The following USP6 variants were observed in gnomAD, a reference collection of about 807,000 sequenced individuals.
The protein encoded by USP6 is ubiquitin specific peptidase 6.
USP6 carries 128 observed loss-of-function variants against 175.7 expected under a neutral mutation model. The ratio of observed to expected loss-of-function variants is 0.73; its 90% CI spans 0.63 to 0.84. USP6 has a LOEUF of 0.84. Ranked by LOEUF, USP6 falls within the 40% of genes least tolerant of loss-of-function variation. USP6 has a pLI of 0.00. For synonymous variants in USP6, 562 were observed against 630.6 expected (o/e 0.89, Z 1.63); for missense variants, 1,498 against 1,760.3 (o/e 0.85, Z 2.67).
intron 31 of USP6, among the ~76,000 whole-genome samples, chr17:5,158,715 TAAGTG>T (rs1296534459): frequency 1.4e-5 from 2 of 138,768 alleles, no homozygotes; most frequent in African/African-American, 5.5e-5. Flanking sequence ...AACCAGGAGT[TAAGTG>T]AAGGAAGTAC....
At chr17:5,149,878 A>G (rs900108931) in intron 30 of USP6, among the ~76,000 whole-genome samples, 1 of 152,184 alleles carries the variant, frequency 6.6e-6, no homozygotes, top group African/African-American at 2.4e-5. Flanking sequence ...CTTCGGGTAT[A>G]GTGGCAACTT....
Position 5,142,404 on chromosome 17 carries a change from C to A in USP6, c.1720C>A (p.Pro574Thr), listed in dbSNP as rs773348436. Residue 574 changes from proline to threonine, a missense_variant, in exon 25 of 38, where the codon CCC becomes ACC. This residue lies in a region of USP6 where 1,217 missense variants were observed against 1,500.8 expected (regional missense o/e 0.81). Transcript: ENST00000574788. ...RHLYELNRTNPIGMKGHMAKC... is the reference protein window; with the variant it reads ...RHLYELNRTNTIGMKGHMAKC... ...TTCCTCTCAAACTTCTAGGACAAATCCCATTGGTATGAAGGGGCATATGGC... is the reference window on the plus strand; with the variant it reads ...TTCCTCTCAAACTTCTAGGACAAATACCATTGGTATGAAGGGGCATATGGC... The A allele has an allele frequency of 1.9e-6, 3 of 1,612,566 alleles. No homozygotes were observed.
Position 5,133,944 on chromosome 17 carries a change from G to C in USP6, c.442G>C (p.Val148Leu), listed in dbSNP as rs753708743. 4 of 1,614,136 alleles carry C rather than the reference G, an allele frequency of 2.5e-6. No individual in the cohort carries two copies. The highest frequency in any genetic ancestry group is 3.4e-6 in the Non-Finnish European group (4 of 1,180,010). The change falls in exon 15 of 38, where the codon GTG becomes CTG. Residue 148 changes from valine (V) to leucine (L), a missense_variant. This residue lies in a region of USP6 where 281 missense variants were observed against 259.6 expected (regional missense o/e 1.08). Coordinates refer to ENST00000574788, the MANE Select transcript of USP6 (RefSeq NM_001304284.2). Reference sequence around the variant, plus strand: ...ACACATCCACCACATCGACCTGGACGTGAGGACGACTCTCCGGAACCATGT... The same window carrying C: ...ACACATCCACCACATCGACCTGGACCTGAGGACGACTCTCCGGAACCATGT... Reference protein sequence around the residue: ...SEHIHHIDLDVRTTLRNHVFF... With the variant: ...SEHIHHIDLDLRTTLRNHVFF...
Position 5,139,570 on chromosome 17 carries a change from G to A in USP6, c.1394G>A (p.Gly465Asp), listed in dbSNP as rs1040772609. 1.9e-6 allele frequency: 3 copies of A among 1,613,670 alleles called. No homozygotes were observed. The highest frequency in any genetic ancestry group is 2.5e-6 in the Non-Finnish European group (3 of 1,180,028). Residue 465 changes from glycine to aspartate, a missense_variant, in exon 22 of 38, where the codon GGC (glycine) becomes GAC (aspartate). By Grantham distance (94) the Gly-to-Asp change is moderately conservative. Around this residue, in one of 2 missense-constraint regions of USP6, gnomAD observed 1,217 missense variants for 1,500.8 expected, o/e 0.81. Coordinates refer to ENST00000574788, the MANE Select transcript of USP6 (RefSeq NM_001304284.2). ...CTCCCAACGGACCTGGATATAGGGG[G>A]CCCTTGGTTCCCCCATTATGATTTT... is the stretch of plus-strand genomic sequence containing the variant. ...PRLPTDLDIG[G>D]PWFPHYDFEW...
chr17:5,125,700 A>ATG (rs2072873342), intron 5 of USP6, 121 bp from the exon 6 acceptor site: 1 of 151,854 alleles, frequency 6.6e-6, no homozygotes, highest in Non-Finnish European at 1.5e-5. Flanking sequence ...ACACACACAC[A>ATG]CACACACACA....
intron 31 of USP6, among the ~76,000 whole-genome samples, chr17:5,159,368 ATTG>A (rs1238987360): frequency 6.6e-6 from 1 of 152,200 alleles, no homozygotes; most frequent in African/African-American, 2.4e-5. Flanking sequence ...GGAGGAAGTT[ATTG>A]TTGGAAGAGA....
intron 31 of USP6, among the ~76,000 whole-genome samples, chr17:5,158,618 A>G (rs1168396450): frequency 1.2e-3 from 26 of 22,378 alleles, no homozygotes; most frequent in African/African-American, 3.7e-3. Context: ...AGAGGGGGAG[A>G]GAGAGAGAGA....
At position 5,132,435 on chromosome 17, in the gene USP6, G is replaced by A. The variant is rs771263994; in HGVS notation, c.195G>A (p.Lys65=). The A allele has an allele frequency of 1.2e-5, 20 of 1,612,046 alleles. No individual in the cohort carries two copies. The Admixed American group carries it at 2.5e-4, about 20-fold the overall frequency. Residue 65 remains lysine (K), a splice_region_variant and synonymous_variant, in exon 12 of 38, where the codon AAG becomes AAA. Transcript: ENST00000574788. This position sits in a 1 kb window ranked among gnomAD's most constrained non-coding sequence, Gnocchi z 4.7. ...ELPPVTAREA[K]KIRREMTRTS... The stretch of plus-strand genomic sequence containing the variant: ...CTCCTGTGACTGCACGGGAGGCGAA[G>A]GTAAGAGCCTGATGCGTGGAGGGGC...
At chr17:5,150,295 A>AAATTAAAT (rs2073728655) in intron 30 of USP6, among the ~76,000 whole-genome samples, 1 of 138,846 alleles carries the variant, frequency 7.2e-6, no homozygotes, top group Non-Finnish European at 1.5e-5. Flanking sequence ...TCCGTCTAAA[A>AAATTAAAT]AAATAAATAA....
chr17:5,121,950 CA>C (rs1567767050), intron 4 of USP6, among the ~76,000 whole-genome samples, 200 bp downstream of exon 4: 1 of 152,064 alleles, frequency 6.6e-6, no homozygotes, highest in Non-Finnish European at 1.5e-5. Context: ...TGGATTAGAT[CA>C]CGTAGGCAAT....
chr17:5,153,820 T>A (rs2073825682), intron 30 of USP6, among the ~76,000 whole-genome samples: 1 of 152,134 alleles, frequency 6.6e-6, no homozygotes, highest in African/African-American at 2.4e-5. Context: ...CATGCCCAGA[T>A]AATTTATGTA....
At chr17:5,162,309 A>G (rs2074019792) in intron 32 of USP6, among the ~76,000 whole-genome samples, 1 of 151,852 alleles carries the variant, frequency 6.6e-6, no homozygotes, top group African/African-American at 2.4e-5. Flanking sequence ...ACACCACTGT[A>G]CCCAGCTAAT....
chr17:5,132,196 A>G lies in USP6; in HGVS notation c.156-200A>G. 1 of 1,539,742 alleles carries G rather than the reference A, an allele frequency of 6.5e-7. No individual in the cohort carries two copies. The highest frequency in any genetic ancestry group is 8.8e-7 in the Non-Finnish European group (1 of 1,140,568). On this transcript the variant is annotated intron_variant, in intron 11 of 37. Coordinates refer to ENST00000574788, the MANE Select transcript of USP6 (RefSeq NM_001304284.2). The surrounding 1 kb of genome is among the most constrained non-coding windows in gnomAD (Gnocchi z 4.7). ...GTAACCCCAGCCAGGCTGTCCCTGC[A>G]CTCCTTCTTCTCCCAGGTCCTGCCC...
intron 33 of USP6, 69 bp downstream of exon 33, chr17:5,163,073 G>A (rs1359779304): frequency 2.4e-5 from 35 of 1,475,032 alleles, no homozygotes; most frequent in Non-Finnish European, 3.0e-5. Flanking sequence ...TAACTATTAT[G>A]CCATTTCTGT....
intron 30 of USP6, among the ~76,000 whole-genome samples, chr17:5,149,358 G>T (rs1265091854): frequency 1.3e-5 from 2 of 152,098 alleles, no homozygotes; most frequent in Non-Finnish European, 2.9e-5. Context: ...AGCGAAGATT[G>T]TGCCACAGCA....
chr17:5,117,408 C>T (rs1292994914), intron 1 of USP6, among the ~76,000 whole-genome samples: 8 of 151,160 alleles, frequency 5.3e-5, no homozygotes, highest in African/African-American at 1.9e-4. Context: ...CCCAGCTACT[C>T]AGGAGGCTGA....
chr17:5,168,097 G>C lies in USP6; in HGVS notation c.3202G>C (p.Asp1068His). The change falls in exon 34 of 38, where the codon GAT becomes CAT. Residue 1068 changes from aspartate (D) to histidine (H), a missense_variant. This residue lies in a region of USP6 where 1,217 missense variants were observed against 1,500.8 expected (regional missense o/e 0.81). Transcript: ENST00000574788. Reference protein sequence around the residue: ...KTHCLATKKLDLWRLPPFLII... With the variant: ...KTHCLATKKLHLWRLPPFLII... The stretch of plus-strand genomic sequence containing the variant: ...CCACTGCTTAGCAACAAAGAAGCTG[G>C]ATCTCTGGAGGCTTCCACCCTTCCT... The C allele has an allele frequency of 1.2e-6, 2 of 1,609,922 alleles. No homozygotes were observed. The highest frequency in any genetic ancestry group is 1.7e-6 in the Non-Finnish European group (2 of 1,178,178).
rs778371251 is a variant in USP6, at chr17:5,145,550, T to G, written c.2138T>G (p.Met713Arg). 16 of 1,610,260 alleles carry G rather than the reference T, an allele frequency of 9.9e-6. No individual in the cohort carries two copies. Among genetic ancestry groups the G allele is most frequent in the African/African-American group, 1.3e-5 (1 of 74,808 alleles). ...PFNFLSLPLPMDSYMDLEITV... is the reference protein window; with the variant it reads ...PFNFLSLPLPRDSYMDLEITV... ...AATTTTTTGTCTTTGCCACTACCAA[T>G]GGACAGTTACATGGACTTAGAAATA... Residue 713 changes from methionine (M) to arginine (R), a missense_variant, in exon 27 of 38, where the codon ATG becomes AGG. By Grantham distance (91) the Met-to-Arg change is moderately conservative. Around this residue, in one of 2 missense-constraint regions of USP6, gnomAD observed 1,217 missense variants for 1,500.8 expected, o/e 0.81. Transcript: ENST00000574788.
rs751744495 is a variant in USP6 at position 5,138,078 on chromosome 17, T to C, written c.926-43T>C. 4.3e-5 allele frequency: 69 copies of C among 1,613,468 alleles called. 3 individuals carry two copies. In the South Asian group the frequency reaches 7.2e-4, roughly 17 times the overall value. On this transcript the variant is annotated intron_variant, in intron 20 of 37. Transcript: ENST00000574788. Reference sequence around the variant, plus strand: ...GGCCACAGGGTATGAGCTGTGACCATTCCCAGGGAACTCTCCTGGCCTGAT... The same window carrying C: ...GGCCACAGGGTATGAGCTGTGACCACTCCCAGGGAACTCTCCTGGCCTGAT...
Sources: allele counts gnomAD v4.1 joint callset (sites outside exome capture counted in the v4.1 genomes callset), GRCh38; gene constraint gnomAD v4.1.1; regional missense constraint gnomAD v4.1.1; non-coding constraint Gnocchi (gnomAD v3.1); transcripts MANE v1.5; gene names NCBI Gene and HGNC (gene_info 2026-07-23, HGNC 2026-07-21).